EMILIN2: variants seen among roughly 807,000 people sequenced by gnomAD.
EMILIN2 encodes elastin microfibril interfacer 2.
A neutral mutation model predicts 87.1 loss-of-function variants in EMILIN2; 71 were observed. That is an observed-to-expected ratio of 0.82 (90% CI 0.67 to 0.99). The LOEUF (loss-of-function observed/expected upper bound fraction) is 0.99, where lower values mean the gene tolerates loss of function less well. EMILIN2 is among the 50% of genes least tolerant of loss of function. The pLI, the probability that EMILIN2 is intolerant of heterozygous loss-of-function variation, is 0.00. For missense variants in EMILIN2, 1,407 were observed against 1,371.8 expected (o/e 1.03, Z -0.40); for synonymous variants, 581 against 563.4 (o/e 1.03, Z -0.44).
Position 2,913,427 on chromosome 18 carries a change from G to A in EMILIN2, c.*23G>A, listed in dbSNP as rs1368234406. 6.5e-7 allele frequency: 1 copy of A among 1,528,736 alleles called. No individual in the cohort carries two copies. The highest frequency in any genetic ancestry group is 2.3e-5 in the East Asian group (1 of 44,388). The allele number at this position is 1,528,736 out of a possible 1,614,324, so 94.7% of individuals were successfully genotyped here. ...TAAGGTGGCTGGGGAGATGTCAGGG[G>A]AAAGATAGATAGTTGTAAAAACTCT... On this transcript the variant is annotated 3_prime_UTR_variant, in exon 8 of 8. Coordinates refer to ENST00000254528, the MANE Select transcript of EMILIN2 (RefSeq NM_032048.3).
intron 4 of EMILIN2, among the ~76,000 whole-genome samples, chr18:2,904,757 C>T (rs556131435): frequency 6.6e-6 from 1 of 152,316 alleles, no homozygotes; most frequent in East Asian, 1.9e-4. Context: ...CTGTCGTTCA[C>T]ACAGGCGGCT....
In EMILIN2 at chr18:2,849,641, T is replaced by C. The variant is rs150116052; in HGVS notation, c.257+1710T>C. On this transcript the variant is annotated intron_variant, in intron 2 of 7. Transcript: ENST00000254528. ...CAGAATTATTATAAAAAATGACAGA[T>C]GTTTCTGTTGTTTTATTAAACAAAG... Among the ~76,000 whole-genome samples, 1,007 of 152,334 alleles carry C rather than the reference T, an allele frequency of 6.6e-3. 7 individuals are homozygous for C. The highest frequency in any genetic ancestry group is 0.022 in the African/African-American group (934 of 41,572).
At position 2,908,980 on chromosome 18, in the gene EMILIN2, G is replaced by A; in HGVS notation, c.2695+5G>A. On this transcript the variant is annotated splice_donor_5th_base_variant and intron_variant, in intron 6 of 7. Coordinates refer to ENST00000254528, the MANE Select transcript of EMILIN2 (RefSeq NM_032048.3). Reference sequence around the variant, plus strand: ...CACCTCCTGTAGCTTCCCCAGGTATGTCTGCTGAGAGACCAGGAGCAGGAG... The same window carrying A: ...CACCTCCTGTAGCTTCCCCAGGTATATCTGCTGAGAGACCAGGAGCAGGAG... The A allele has an allele frequency of 2.5e-6, 4 of 1,613,316 alleles. No homozygotes were observed. The highest frequency in any genetic ancestry group is 2.2e-5 in the East Asian group (1 of 44,874).
chr18:2,875,550 T>G lies in EMILIN2; in HGVS notation c.258-9414T>G, dbSNP rs528273864. On this transcript the variant is annotated intron_variant, in intron 2 of 7. Transcript: ENST00000254528. Reference sequence around the variant, plus strand: ...TGGGCCTCCATCAAGTCTTCGATGGTTCAGCCATGCCAGTTAGCTAAGGCT... The same window carrying G: ...TGGGCCTCCATCAAGTCTTCGATGGGTCAGCCATGCCAGTTAGCTAAGGCT... Among the ~76,000 whole-genome samples, 62 of 152,338 alleles carry G rather than the reference T, an allele frequency of 4.1e-4. 1 individual carries two copies. The highest frequency in any genetic ancestry group is 8.5e-4 in the Non-Finnish European group (58 of 68,034).
chr18:2,886,308 C>G (rs684683), intron 3 of EMILIN2, among the ~76,000 whole-genome samples: 46,289 of 152,050 alleles, frequency 0.3, 8,169 homozygotes, highest in Non-Finnish European at 0.38. Context: ...GACATGGGGG[C>G]TGGTGGATTG....
chr18:2,906,740 G>A, intron 4 of EMILIN2, 43 bp from the exon 5 acceptor site: 1 of 1,243,234 alleles, frequency 8.0e-7, no homozygotes, highest in Non-Finnish European at 1.0e-6. Flanking sequence ...CAGGGCTGAG[G>A]TTTCCTAATC....
At chr18:2,881,533 C>A (rs1299575222) in intron 2 of EMILIN2, among the ~76,000 whole-genome samples, 2 of 152,234 alleles carry the variant, frequency 1.3e-5, no homozygotes, top group East Asian at 3.9e-4. Flanking sequence ...CAAGGCCTTT[C>A]TTCCGCTCTG....
At chr18:2,889,051 G>C (rs2076817761) in intron 3 of EMILIN2, among the ~76,000 whole-genome samples, 1 of 150,332 alleles carries the variant, frequency 6.7e-6, no homozygotes, top group African/African-American at 2.4e-5. Context: ...TCTCACTATA[G>C]TTGCCAGGTT....
In EMILIN2 at chr18:2,907,026, T is replaced by G. The variant is rs376232778; in HGVS notation, c.2603T>G (p.Val868Gly). The change falls in exon 5 of 8, where the codon GTG becomes GGG. Residue 868 changes from valine to glycine, a missense_variant. Val to Gly is a moderately radical substitution (Grantham distance 109). Coordinates refer to ENST00000254528, the MANE Select transcript of EMILIN2 (RefSeq NM_032048.3). ...TCTGGGCGGGGTCTGCCGCGGGGCG[T>G]GGACGGCCAGACCGGGAGCGGCACC... ...GVSGRGLPRG[V>G]DGQTGSGTVP... 2 of 1,307,718 alleles carry G rather than the reference T, an allele frequency of 1.5e-6. No individual in the cohort carries two copies. The highest frequency in any genetic ancestry group is 3.1e-5 in the African/African-American group (2 of 65,020). 81.0% of individuals were successfully genotyped at this position (1,307,718 alleles called of 1,614,324 possible). A position where few individuals can be genotyped will look rare whatever the true frequency, so the allele number is the denominator to read the frequency against.
intron 3 of EMILIN2, among the ~76,000 whole-genome samples, chr18:2,887,687 G>A (rs1469007450): frequency 1.3e-5 from 2 of 152,234 alleles, no homozygotes; most frequent in East Asian, 3.9e-4. Context: ...ACAAAACTGT[G>A]AGCCAAATAA....
chr18:2,900,830 C>T (rs373056544), intron 4 of EMILIN2, among the ~76,000 whole-genome samples: 285 of 152,220 alleles, frequency 1.9e-3, no homozygotes, highest in African/African-American at 6.4e-3. Flanking sequence ...TCCATCCATC[C>T]GCCTAGCATT....
intron 2 of EMILIN2, among the ~76,000 whole-genome samples, chr18:2,877,777 CAA>C (rs756901867): frequency 1.3e-4 from 14 of 105,090 alleles, no homozygotes; most frequent in Admixed American, 3.1e-4. Flanking sequence ...CATTCCATCT[CAA>C]AAAAAAAAAA....
chr18:2,901,581 T>G (rs1036935946), intron 4 of EMILIN2, among the ~76,000 whole-genome samples: 1 of 152,106 alleles, frequency 6.6e-6, no homozygotes, highest in Non-Finnish European at 1.5e-5. Context: ...CCGTGCGGAG[T>G]GTCAGGCAGG....
rs1264245404 is a variant in EMILIN2, at chr18:2,914,643, C to T, written c.*1239C>T. The T allele has an allele frequency of 6.6e-6, 1 of 152,190 alleles. No homozygotes were observed. The highest frequency in any genetic ancestry group is 1.9e-4 in the East Asian group (1 of 5,202). The allele number at this position is 152,190 out of a possible 1,614,324, so 9.4% of individuals were successfully genotyped here. On this transcript the variant is annotated 3_prime_UTR_variant, in exon 8 of 8. Transcript: ENST00000254528. ...ACACCTACTGGTTAATCAAGTCCCA[C>T]TGGGGAAAGGTTTGGACGGTAGAAT... is the stretch of plus-strand genomic sequence containing the variant.
At chr18:2,870,893 A>C (rs9965482) in intron 2 of EMILIN2, among the ~76,000 whole-genome samples, 12,420 of 152,052 alleles carry the variant, frequency 0.082, 1,667 homozygotes, top group African/African-American at 0.28. Flanking sequence ...CTCTTCACAT[A>C]ATCTTCCCTT....
Position 2,848,241 on chromosome 18 carries a change from A to C in EMILIN2, c.257+310A>C, listed in dbSNP as rs1383261936. On this transcript the variant is annotated intron_variant, in intron 2 of 7. Transcript: ENST00000254528. This position sits in a 1 kb window ranked among gnomAD's most constrained non-coding sequence, Gnocchi z 4.1. ...TTTCTCCCTTTCAATGTTTGTTTGTAACATAAGGCAGCTGAATCTAATTGG... is the reference window on the plus strand; with the variant it reads ...TTTCTCCCTTTCAATGTTTGTTTGTCACATAAGGCAGCTGAATCTAATTGG... 6.6e-6 allele frequency among the ~76,000 whole-genome samples: 1 copy of C among 152,202 alleles called. No individual in the cohort carries two copies. The highest frequency in any genetic ancestry group is 2.4e-5 in the African/African-American group (1 of 41,446).
rs1048582489 is a variant in EMILIN2 at position 2,847,472 on chromosome 18, G to T, written c.134+150G>T. ...CGGCTCCCTCTGCGGGGGACCGCGC[G>T]CTCCGCAGCCGGCGCCTCAGGCAGA... On this transcript the variant is annotated intron_variant, in intron 1 of 7. Transcript: ENST00000254528. The surrounding 1 kb of genome is among the most constrained non-coding windows in gnomAD (Gnocchi z 4.5). 3 of 983,100 alleles carry T rather than the reference G, an allele frequency of 3.1e-6. No homozygotes were observed. The highest frequency in any genetic ancestry group is 3.4e-5 in the East Asian group (1 of 29,246). 60.9% of individuals were successfully genotyped at this position (983,100 alleles called of 1,614,324 possible).
At chr18:2,867,969 C>T (rs575175465) in intron 2 of EMILIN2, among the ~76,000 whole-genome samples, 8 of 150,714 alleles carry the variant, frequency 5.3e-5, no homozygotes, top group Middle Eastern at 3.5e-3. Context: ...GGCGGCTGGC[C>T]GGGCAGGGGG....
chr18:2,866,870 C>T (rs1198376148), intron 2 of EMILIN2, among the ~76,000 whole-genome samples: 1 of 152,122 alleles, frequency 6.6e-6, no homozygotes, highest in Non-Finnish European at 1.5e-5. Context: ...AAGTATGTCT[C>T]TTGTATGCCG....
Sources: allele counts gnomAD v4.1 joint callset (sites outside exome capture counted in the v4.1 genomes callset), GRCh38; gene constraint gnomAD v4.1.1; non-coding constraint Gnocchi (gnomAD v3.1); transcripts MANE v1.5; gene names NCBI Gene and HGNC (gene_info 2026-07-23, HGNC 2026-07-21).